The following SDHB variants were observed in gnomAD, a reference collection of about 807,000 sequenced individuals.
SDHB encodes succinate dehydrogenase complex iron sulfur subunit B.
SDHB carries 21 observed loss-of-function variants against 39.7 expected under a neutral mutation model. That is an observed-to-expected ratio of 0.53 (90% CI 0.37 to 0.76). The LOEUF is 0.76. Among genes scored for constraint, SDHB ranks in the 30% least tolerant of loss-of-function variants. SDHB has a pLI of 0.00. For missense variants in SDHB, 343 were observed against 350.9 expected, an observed-to-expected ratio of 0.98 and a Z score of 0.18; for synonymous variants, 118 against 117.0, an observed-to-expected ratio of 1.01 and a Z score of -0.06.
chr1:17,033,185 C>T (rs751684133), intron 2 of SDHB, 40 bp from the exon 3 acceptor site: 13 of 1,392,330 alleles, frequency 9.3e-6, no homozygotes, highest in Non-Finnish European at 1.3e-5. Flanking sequence ...ATGTAACGTT[C>T]AACCTCCCTA....
intron 2 of SDHB, among the ~76,000 whole-genome samples, chr1:17,041,140 C>T (rs1163441507): frequency 1.3e-5 from 2 of 152,046 alleles, no homozygotes; most frequent in Admixed American, 6.6e-5. Context: ...AAGAAACAAA[C>T]AAACAAACAA....
intron 1 of SDHB, among the ~76,000 whole-genome samples, chr1:17,048,870 C>T (rs1197172062): frequency 3.3e-5 from 5 of 151,984 alleles, no homozygotes; most frequent in East Asian, 1.9e-4. Context: ...GCCACCACGC[C>T]GAGCTAATTT....
chr1:17,046,997 G>C (rs184092704), intron 1 of SDHB, among the ~76,000 whole-genome samples: 2 of 152,296 alleles, frequency 1.3e-5, no homozygotes, highest in East Asian at 3.9e-4. Flanking sequence ...GATTACAGGC[G>C]TGAGCCACCG....
intron 5 of SDHB, among the ~76,000 whole-genome samples, chr1:17,025,707 T>C (rs1274067364): frequency 3.3e-5 from 5 of 152,194 alleles, no homozygotes; most frequent in African/African-American, 1.2e-4. Context: ...AATAAATACA[T>C]ACATAAATTT....
At chr1:17,044,155 T>G (rs1019081805) in intron 2 of SDHB, among the ~76,000 whole-genome samples, 2 of 152,216 alleles carry the variant, frequency 1.3e-5, no homozygotes, top group South Asian at 4.1e-4. Context: ...AAAACACAGG[T>G]CCAGATGTAT....
intron 3 of SDHB, among the ~76,000 whole-genome samples, chr1:17,029,493 G>A (rs949255657): frequency 6.6e-5 from 10 of 151,244 alleles, no homozygotes; most frequent in African/African-American, 9.7e-5. Flanking sequence ...GTGCAATGCC[G>A]CGATCTTGGC....
At chr1:17,044,008 T>G (rs950993118) in intron 2 of SDHB, among the ~76,000 whole-genome samples, 6 of 152,212 alleles carry the variant, frequency 3.9e-5, no homozygotes, top group African/African-American at 1.4e-4. Flanking sequence ...TTTAGGTTGT[T>G]TTAAGTCACT....
chr1:17,024,157 G>A, intron 5 of SDHB, 83 bp from the exon 6 acceptor site: 2 of 973,808 alleles, frequency 2.1e-6, no homozygotes, highest in Non-Finnish European at 3.2e-6. Context: ...TTACCTTTGG[G>A]GTCAGTGCAT....
chr1:17,032,716 C>G, intron 3 of SDHB: 1 of 364,858 alleles, frequency 2.7e-6, no homozygotes, highest in South Asian at 2.4e-5. Flanking sequence ...AAGTGCCAGA[C>G]AGAAACTCTC....
chr1:17,038,071 G>A (rs571276591), intron 2 of SDHB, among the ~76,000 whole-genome samples: 9 of 152,198 alleles, frequency 5.9e-5, no homozygotes, highest in African/African-American at 1.4e-4. Context: ...TCCGGGAGGC[G>A]GAGGTTGCGG....
rs1052234736 is a variant in SDHB at position 17,029,026 on chromosome 1, T to G, written c.287-290A>C. On this transcript the variant is annotated intron_variant, in intron 3 of 7. Transcript: ENST00000375499. Reference sequence around the variant, plus strand: ...AGGAGGCCAGAGGCCTGGGCGCTGCTGGCACCATGGAGTTTCCACAGCAGT... The same window carrying G: ...AGGAGGCCAGAGGCCTGGGCGCTGCGGGCACCATGGAGTTTCCACAGCAGT... 8.5e-4 allele frequency among the ~76,000 whole-genome samples: 126 copies of G among 147,828 alleles called. 1 individual carries two copies. Among genetic ancestry groups the G allele is most frequent in the African/African-American group, 3.0e-3 (123 of 40,676 alleles).
At chr1:17,053,098 G>A (rs1339093619) in intron 1 of SDHB, among the ~76,000 whole-genome samples, 3 of 152,120 alleles carry the variant, frequency 2.0e-5, no homozygotes, top group Non-Finnish European at 2.9e-5. Flanking sequence ...CAAATCCTTA[G>A]TCCCTTATGT....
chr1:17,037,754 G>A (rs144831871), intron 2 of SDHB, among the ~76,000 whole-genome samples: 104 of 152,132 alleles, frequency 6.8e-4, no homozygotes, highest in African/African-American at 2.4e-3. Flanking sequence ...ATCGCACCCA[G>A]CCTGGCTAAT....
chr1:17,018,843 T>G lies in SDHB; in HGVS notation c.*38A>C, dbSNP rs750150938. On this transcript the variant is annotated 3_prime_UTR_variant, in exon 8 of 8. Transcript: ENST00000375499. ...AAATTAGATATAAATTATGTTCAGC[T>G]CTGAGCTGGTTATAAATCATGTTTA... The G allele has an allele frequency of 7.0e-7, 1 of 1,434,262 alleles. No individual in the cohort carries two copies. The highest frequency in any genetic ancestry group is 9.8e-7 in the Non-Finnish European group (1 of 1,016,460). The allele number at this position is 1,434,262 out of a possible 1,614,324, so 88.8% of individuals were successfully genotyped here.
intron 5 of SDHB, among the ~76,000 whole-genome samples, chr1:17,026,180 G>A (rs1041511970): frequency 8.5e-5 from 13 of 152,202 alleles, no homozygotes; most frequent in South Asian, 2.1e-4. Context: ...CAGAGGGCCC[G>A]GTTCAGCCTG....
At chr1:17,020,257 G>GA (rs1179247092) in intron 7 of SDHB, among the ~76,000 whole-genome samples, 16 of 152,212 alleles carry the variant, frequency 1.1e-4, no homozygotes, top group Non-Finnish European at 2.2e-4. Flanking sequence ...CATGCAGGAA[G>GA]AAAGAGCACT....
rs143394198 is a variant in SDHB at position 17,042,954 on chromosome 1, G to GTTTTTTTTTTTTTTTTTTTTT, written c.200+1786_200+1806dup. ...AGCAGTAGGGTTTTTTGTTTTATGA[G>GTTTTTTTTTTTTTTTTTTTTT]TTTTTTTTTTTTTTTTTTTTTTTTT... On this transcript the variant is annotated intron_variant, in intron 2 of 7. Coordinates refer to ENST00000375499, the MANE Select transcript of SDHB (RefSeq NM_003000.3). Among the ~76,000 whole-genome samples the GTTTTTTTTTTTTTTTTTTTTT allele has an allele frequency of 5.2e-4, 33 of 62,894 alleles. 3 individuals are homozygous for GTTTTTTTTTTTTTTTTTTTTT. Among genetic ancestry groups the GTTTTTTTTTTTTTTTTTTTTT allele is most frequent in the East Asian group, 2.4e-3 (4 of 1,702 alleles). The allele number at this position is 62,894 out of a possible 152,430, so 41.3% of individuals were successfully genotyped here.
intron 2 of SDHB, among the ~76,000 whole-genome samples, chr1:17,041,139 A>G (rs2078077907): frequency 6.6e-6 from 1 of 152,154 alleles, no homozygotes; most frequent in South Asian, 2.1e-4. Flanking sequence ...CAAGAAACAA[A>G]CAAACAAACA....
At chr1:17,042,954 G>GGTTTT (rs2078089167) in intron 2 of SDHB, among the ~76,000 whole-genome samples, 1 of 62,872 alleles carries the variant, frequency 1.6e-5, no homozygotes, top group African/African-American at 6.8e-5. Context: ...TGTTTTATGA[G>GGTTTT]TTTTTTTTTT....
Sources: allele counts gnomAD v4.1 joint callset (sites outside exome capture counted in the v4.1 genomes callset), GRCh38; gene constraint gnomAD v4.1.1; transcripts MANE v1.5; gene names NCBI Gene and HGNC (gene_info 2026-07-23, HGNC 2026-07-21).